The following TAF15 variants were observed in gnomAD, a reference collection of about 807,000 sequenced individuals.
TAF15 encodes the protein TATA-box binding protein associated factor 15, also known as TATA-binding protein-associated factor 2N.
A neutral mutation model predicts 102.5 loss-of-function variants in TAF15; 37 were observed. The ratio of observed to expected loss-of-function variants is 0.36; its 90% confidence interval spans 0.28 to 0.47. The LOEUF is 0.47. Ranked by LOEUF, TAF15 falls within the 20% of genes least tolerant of loss-of-function variation. TAF15 has a pLI of 0.99. For missense variants in TAF15, 652 were observed against 760.7 expected (o/e 0.86, Z 1.68); for synonymous variants, 273 against 259.2 (o/e 1.05, Z -0.51).
At chr17:35,810,506 G>A (rs1490850210) in intron 1 of TAF15, 4 of 152,196 alleles carry the variant, frequency 2.6e-5, no homozygotes, top group African/African-American at 9.7e-5. Flanking sequence ...TGTTCACACA[G>A]GGTCCTCTAT....
chr17:35,836,786 T>C (rs901154340), intron 10 of TAF15, among the ~76,000 whole-genome samples: 12 of 148,464 alleles, frequency 8.1e-5, no homozygotes, highest in Non-Finnish European at 1.6e-4. Flanking sequence ...GAATTACTCT[T>C]TTTTTTTTTT....
intron 6 of TAF15, 138 bp from the exon 7 acceptor site, chr17:35,823,940 G>A (rs907746112): frequency 4.8e-5 from 50 of 1,050,900 alleles, no homozygotes; most frequent in Non-Finnish European, 6.3e-5. Context: ...ATGATTTTAT[G>A]ATGACTTGCA....
At chr17:35,816,332 C>G (rs924464271) in intron 1 of TAF15, among the ~76,000 whole-genome samples, 2 of 152,116 alleles carry the variant, frequency 1.3e-5, no homozygotes, top group African/African-American at 4.8e-5. Flanking sequence ...TACTGAGCCC[C>G]TATCTCTAAA....
intron 1 of TAF15, 59 bp downstream of exon 1, chr17:35,809,635 T>C: frequency 6.2e-7 from 1 of 1,610,620 alleles, no homozygotes; most frequent in East Asian, 2.2e-5. Context: ...GGGGTTGGGC[T>C]GTCTTCCCGC....
Position 35,836,258 on chromosome 17 carries a change from T to C in TAF15, c.783+17T>C, listed in dbSNP as rs765903548. On this transcript the variant is annotated intron_variant, in intron 10 of 15. Transcript: ENST00000605844. Reference sequence around the variant, plus strand: ...ATTATCAAGGTGAGTAAAAATATTATATGTTGAAAATCTCATAATTAATGT... The same window carrying C: ...ATTATCAAGGTGAGTAAAAATATTACATGTTGAAAATCTCATAATTAATGT... 2 of 1,500,666 alleles carry C rather than the reference T, an allele frequency of 1.3e-6. No individual in the cohort carries two copies. Among genetic ancestry groups the C allele is most frequent in the East Asian group, 2.3e-5 (1 of 44,214 alleles). 93.0% of individuals were successfully genotyped at this position (1,500,666 alleles called of 1,614,324 possible).
At chr17:35,829,000 T>C (rs973063497) in intron 7 of TAF15, among the ~76,000 whole-genome samples, 1 of 152,166 alleles carries the variant, frequency 6.6e-6, no homozygotes, top group African/African-American at 2.4e-5. Context: ...CCAGAAAGCC[T>C]TTTTACCATG....
At chr17:35,839,780 C>T (rs568155002) in intron 11 of TAF15, among the ~76,000 whole-genome samples, 38 of 152,180 alleles carry the variant, frequency 2.5e-4, no homozygotes, top group Middle Eastern at 3.4e-3. Flanking sequence ...AATAATTTTC[C>T]TTCTGGTGTT....
intron 5 of TAF15, among the ~76,000 whole-genome samples, chr17:35,821,963 A>G (rs773705541): frequency 2.6e-5 from 4 of 152,158 alleles, no homozygotes; most frequent in Non-Finnish European, 5.9e-5. Context: ...GTAACTATTA[A>G]AAGGACTCAG....
intron 2 of TAF15, among the ~76,000 whole-genome samples, chr17:35,819,506 G>A (rs1281695638): frequency 6.6e-6 from 1 of 152,124 alleles, no homozygotes; most frequent in Non-Finnish European, 1.5e-5. Flanking sequence ...GGATAAACAT[G>A]CCTCTAATTA....
chr17:35,810,002 C>T (rs1015340354), intron 1 of TAF15: 4 of 316,674 alleles, frequency 1.3e-5, no homozygotes, highest in Non-Finnish European at 2.4e-5. Flanking sequence ...CTCGCCGCCT[C>T]GTACCTCAGT....
chr17:35,841,154 A>C (rs2087538263), intron 11 of TAF15, among the ~76,000 whole-genome samples: 2 of 152,054 alleles, frequency 1.3e-5, no homozygotes, highest in African/African-American at 4.8e-5. Flanking sequence ...TTAAAAAGTT[A>C]CCAATTGTTA....
At chr17:35,842,261 T>C (rs1449646957) in intron 11 of TAF15, 106 bp from the exon 12 acceptor site, 2 of 795,732 alleles carry the variant, frequency 2.5e-6, no homozygotes, top group Admixed American at 2.0e-5. Flanking sequence ...TGTGAGGACA[T>C]GTCAGTTACT....
chr17:35,823,355 C>T (rs2087286109), intron 6 of TAF15, among the ~76,000 whole-genome samples: 1 of 152,104 alleles, frequency 6.6e-6, no homozygotes, highest in Non-Finnish European at 1.5e-5. Flanking sequence ...TATTCCTTGT[C>T]CATGCTCAAT....
At chr17:35,830,135 T>C (rs2087384341) in intron 7 of TAF15, 1 of 151,082 alleles carries the variant, frequency 6.6e-6, no homozygotes, top group Non-Finnish European at 1.5e-5. Flanking sequence ...AGTGAAACTC[T>C]TGTCTCAGAA....
chr17:35,812,353 T>C (rs1315378356), intron 1 of TAF15, among the ~76,000 whole-genome samples: 1 of 152,032 alleles, frequency 6.6e-6, no homozygotes, highest in Non-Finnish European at 1.5e-5. Flanking sequence ...TCCCAGCACT[T>C]TGGGAGGCCG....
chr17:35,814,902 A>G (rs191752726), intron 1 of TAF15, among the ~76,000 whole-genome samples: 395 of 152,180 alleles, frequency 2.6e-3, no homozygotes, highest in Non-Finnish European at 4.1e-3. Flanking sequence ...ATAAAACCTA[A>G]ATGACAATTA....
At chr17:35,842,480 A>G (rs748838022) in intron 12 of TAF15, 21 bp downstream of exon 12, 20 of 1,572,336 alleles carry the variant, frequency 1.3e-5, no homozygotes, top group Non-Finnish European at 1.5e-5. Flanking sequence ...TGCTGCGTAC[A>G]GTCCTGGATA....
intron 15 of TAF15, among the ~76,000 whole-genome samples, chr17:35,845,671 G>C (rs1036785907): frequency 2.1e-4 from 32 of 152,100 alleles, no homozygotes; most frequent in African/African-American, 7.5e-4. Flanking sequence ...CACCACGCCC[G>C]GCTAATTTTT....
chr17:35,821,789 T>A (rs190450599), intron 5 of TAF15, among the ~76,000 whole-genome samples: 5 of 152,210 alleles, frequency 3.3e-5, no homozygotes, highest in Admixed American at 3.3e-4. Flanking sequence ...ATAAAAAAAA[T>A]TGTGTTACAA....
Sources: gnomAD v4.1 joint callset for allele counts (sites outside exome capture counted in the v4.1 genomes callset) on GRCh38, gnomAD v4.1.1 for gene constraint, MANE v1.5 for transcripts, NCBI Gene and HGNC (gene_info 2026-07-23, HGNC 2026-07-21) for gene names.